The following PXDN variants were observed in gnomAD, a reference collection of about 807,000 sequenced individuals.
PXDN encodes the protein peroxidasin.
A neutral mutation model predicts 140.3 loss-of-function variants in PXDN; 77 were observed. That is an observed-to-expected ratio of 0.55 (90% CI 0.46 to 0.66). The LOEUF (loss-of-function observed/expected upper bound fraction) is 0.66, where lower values mean the gene tolerates loss of function less well. Among genes scored for constraint, PXDN ranks in the 30% least tolerant of loss-of-function variants. The pLI is 0.00. For synonymous variants in PXDN, 911 were observed against 857.4 expected (o/e 1.06, Z -1.09); for missense variants, 1,838 against 2,039.5 (o/e 0.90, Z 1.90).
intron 4 of PXDN, among the ~76,000 whole-genome samples, chr2:1,684,799 T>C (rs1684011152): frequency 1.3e-5 from 2 of 152,218 alleles, no homozygotes; most frequent in African/African-American, 2.4e-5. Context: ...TTGATATAAC[T>C]CATTCTTTCT....
chr2:1,662,230 C>A, intron 12 of PXDN, 46 bp from the exon 13 acceptor site: 5 of 1,485,668 alleles, frequency 3.4e-6, no homozygotes, highest in Middle Eastern at 1.7e-4. Flanking sequence ...TCAATTACAT[C>A]AAAAAACTTC....
At chr2:1,740,365 C>T (rs777928470) in intron 1 of PXDN, among the ~76,000 whole-genome samples, 10 of 152,182 alleles carry the variant, frequency 6.6e-5, no homozygotes, top group African/African-American at 1.9e-4. Context: ...GGATGAACCT[C>T]GGGACCCATG....
intron 1 of PXDN, among the ~76,000 whole-genome samples, chr2:1,740,505 C>T (rs1685518641): frequency 6.6e-6 from 1 of 152,096 alleles, no homozygotes; most frequent in African/African-American, 2.4e-5. Context: ...GGCCTGCAGG[C>T]GGGAGGAGAC....
rs755994874 is a variant in PXDN, at chr2:1,653,782, A to G, written c.1950T>C (p.Arg650=). ...NSTRTHLFDS[R]PRSPNDLLAL... ...CCAGCAAATCATTTGGAGAACGAGG[A>G]CGGCTAACCAGAGTTTAGGGGGAAG... Residue 650 remains arginine (R), a synonymous_variant, in exon 16 of 23, where the codon CGT becomes CGC. Coordinates refer to ENST00000252804, the MANE Select transcript of PXDN (RefSeq NM_012293.3). 1.3e-5 allele frequency: 20 copies of G among 1,566,902 alleles called. No individual in the cohort carries two copies. The highest frequency in any genetic ancestry group is 1.7e-5 in the Non-Finnish European group (20 of 1,153,316).
At chr2:1,699,743 A>G (rs74808330) in intron 1 of PXDN, among the ~76,000 whole-genome samples, 1,670 of 152,258 alleles carry the variant, frequency 0.011, 25 homozygotes, top group African/African-American at 0.038. Context: ...ACAAAAATAA[A>G]TAAGAGTTTG....
chr2:1,658,027 GCTCTCTCTCTCTCTCTCTCTCTCTCT>G (rs1156959508), intron 14 of PXDN, among the ~76,000 whole-genome samples: 5 of 4,896 alleles, frequency 1.0e-3, no homozygotes, highest in South Asian at 6.5e-3. Flanking sequence ...TCAGCTGTGG[GCTCTCTCTCTCTCTCTCTCTCTCTCT>G]CTCTCTCTCT....
rs558889597 is a variant in PXDN at position 1,729,515 on chromosome 2, A to G, written c.200+14741T>C. ...AGGGAAAGCCCACCGTAGGCCAACC[A>G]CCATCCCTGGTGCAGATCAAAACCT... On this transcript the variant is annotated intron_variant, in intron 1 of 22. Coordinates refer to ENST00000252804, the MANE Select transcript of PXDN (RefSeq NM_012293.3). Among the ~76,000 whole-genome samples the G allele has an allele frequency of 1.1e-3, 170 of 149,380 alleles. 1 individual carries two copies. The highest frequency in any genetic ancestry group is 3.9e-3 in the African/African-American group (153 of 39,268).
intron 1 of PXDN, among the ~76,000 whole-genome samples, chr2:1,698,511 C>T (rs969603973): frequency 6.6e-6 from 1 of 152,144 alleles, no homozygotes; most frequent in African/African-American, 2.4e-5. Context: ...AGAATGAGAT[C>T]CAGGTTAGAA....
At chr2:1,655,494 C>T (rs939499572) in intron 14 of PXDN, among the ~76,000 whole-genome samples, 1 of 151,270 alleles carries the variant, frequency 6.6e-6, no homozygotes, top group African/African-American at 2.4e-5. Flanking sequence ...GAGGTATGCA[C>T]CACACACTGC....
chr2:1,681,003 C>T (rs1033070500), intron 6 of PXDN, among the ~76,000 whole-genome samples: 11 of 152,294 alleles, frequency 7.2e-5, no homozygotes, highest in Admixed American at 1.3e-4. Flanking sequence ...GTGTTGTCTC[C>T]GCACACGGGG....
intron 1 of PXDN, among the ~76,000 whole-genome samples, chr2:1,721,353 G>A (rs755136246): frequency 3.3e-5 from 5 of 152,170 alleles, no homozygotes; most frequent in Non-Finnish European, 5.9e-5. Flanking sequence ...GGTGGTTCCT[G>A]TTCAGAAAGA....
At chr2:1,731,143 A>AGCGCGCGC (rs771785733) in intron 1 of PXDN, among the ~76,000 whole-genome samples, 48 of 114,284 alleles carry the variant, frequency 4.2e-4, no homozygotes, top group African/African-American at 1.2e-3. Context: ...CACTGTTGAG[A>AGCGCGCGC]GCGCGCGCGC....
chr2:1,730,121 C>G (rs563266210), intron 1 of PXDN, among the ~76,000 whole-genome samples: 8 of 152,260 alleles, frequency 5.3e-5, no homozygotes, highest in Admixed American at 1.3e-4. Context: ...AGAACAAAGC[C>G]CAGCTAATGT....
At chr2:1,655,900 C>T (rs191161809) in intron 14 of PXDN, among the ~76,000 whole-genome samples, 16 of 151,478 alleles carry the variant, frequency 1.1e-4, no homozygotes, top group East Asian at 5.9e-4. Context: ...CAGATACACA[C>T]GACACACACA....
At chr2:1,635,631 T>C in intron 21 of PXDN, 110 bp from the exon 22 acceptor site, 2 of 846,872 alleles carry the variant, frequency 2.4e-6, no homozygotes. Flanking sequence ...ATAAACAACA[T>C]TTGAGGGGAA....
chr2:1,678,207 C>A (rs1683777388), intron 7 of PXDN, among the ~76,000 whole-genome samples: 1 of 152,118 alleles, frequency 6.6e-6, no homozygotes, highest in South Asian at 2.1e-4. Context: ...CAGGCCTTAC[C>A]CGGCCTCCCT....
intron 1 of PXDN, among the ~76,000 whole-genome samples, chr2:1,719,485 C>T (rs1000516910): frequency 4.6e-5 from 7 of 152,194 alleles, no homozygotes; most frequent in Non-Finnish European, 7.3e-5. Flanking sequence ...TCGAACTCCT[C>T]GCCGGTCCCC....
At chr2:1,635,724 C>A in intron 21 of PXDN, 2 of 578,720 alleles carry the variant, frequency 3.5e-6, no homozygotes, top group South Asian at 3.8e-5. Context: ...GGAAGACATT[C>A]CCACCACCGT....
intron 8 of PXDN, among the ~76,000 whole-genome samples, chr2:1,675,802 T>A (rs1558503213): frequency 2.0e-5 from 2 of 100,244 alleles, no homozygotes; most frequent in Non-Finnish European, 1.8e-5. Flanking sequence ...TGAGCCCGAG[T>A]ATCAAACAAT....
Sources: gnomAD v4.1 joint callset for allele counts (sites outside exome capture counted in the v4.1 genomes callset) on GRCh38, gnomAD v4.1.1 for gene constraint, MANE v1.5 for transcripts, NCBI Gene and HGNC (gene_info 2026-07-23, HGNC 2026-07-21) for gene names.